Variants in PPP4R1 observed in about 807,000 individuals in gnomAD.
PPP4R1 encodes serine/threonine-protein phosphatase 4 regulatory subunit 1.
A neutral mutation model predicts 111.2 loss-of-function variants in PPP4R1; 42 were observed. The ratio of observed to expected loss-of-function variants is 0.38; its 90% CI spans 0.29 to 0.49. The LOEUF is 0.49. PPP4R1 is among the 20% of genes least tolerant of loss of function. The pLI is 0.97. For synonymous variants in PPP4R1, 409 were observed against 405.5 expected (o/e 1.01, Z -0.10); for missense variants, 1,012 against 1,161.6 (o/e 0.87, Z 1.87).
chr18:9,575,683 A>G (rs1198774236), intron 10 of PPP4R1, among the ~76,000 whole-genome samples: 1 of 152,202 alleles, frequency 6.6e-6, no homozygotes, highest in Non-Finnish European at 1.5e-5. Context: ...CATGGCCTTG[A>G]TAGGCACACT....
intron 14 of PPP4R1, among the ~76,000 whole-genome samples, chr18:9,558,347 T>C (rs2066620106): frequency 6.6e-6 from 1 of 152,142 alleles, no homozygotes. Flanking sequence ...CCCCGAAAGA[T>C]ACATCCCACG....
At chr18:9,585,494 G>T (rs930112822) in intron 6 of PPP4R1, among the ~76,000 whole-genome samples, 1 of 152,162 alleles carries the variant, frequency 6.6e-6, no homozygotes, top group Non-Finnish European at 1.5e-5. Context: ...AATACAGAAA[G>T]AAATGGGATA....
intron 14 of PPP4R1, among the ~76,000 whole-genome samples, chr18:9,559,023 G>A (rs1403527902): frequency 6.6e-6 from 1 of 152,302 alleles, no homozygotes; most frequent in Admixed American, 6.5e-5. Flanking sequence ...TAATACTGGA[G>A]TTCTACTACG....
intron 2 of PPP4R1, among the ~76,000 whole-genome samples, chr18:9,602,052 T>C (rs946964340): frequency 7.9e-5 from 12 of 152,090 alleles, no homozygotes; most frequent in African/African-American, 2.7e-4. Flanking sequence ...CCTATAGAAC[T>C]GAATGACTTT....
Position 9,614,104 on chromosome 18 carries a change from T to C in PPP4R1, c.52+122A>G. 1.2e-6 allele frequency: 1 copy of C among 868,716 alleles called. No individual in the cohort carries two copies. Among genetic ancestry groups the C allele is most frequent in the South Asian group, 5.1e-5 (1 of 19,420 alleles). The allele number at this position is 868,716 out of a possible 1,614,324, so 53.8% of individuals were successfully genotyped here. On this transcript the variant is annotated intron_variant, in intron 2 of 19. Coordinates refer to ENST00000400556, the MANE Select transcript of PPP4R1 (RefSeq NM_001042388.3). This position sits in a 1 kb window ranked among gnomAD's most constrained non-coding sequence, Gnocchi z 4.1. The stretch of plus-strand genomic sequence containing the variant: ...CCCCCGATCGCCACCCCAGCCCGCC[T>C]GGGGCCGCCCTCGCCCACCGTCCCC...
At chr18:9,612,966 A>C (rs1366945626) in intron 2 of PPP4R1, among the ~76,000 whole-genome samples, 1 of 152,234 alleles carries the variant, frequency 6.6e-6, no homozygotes, top group African/African-American at 2.4e-5. Flanking sequence ...TACTCAAAAC[A>C]ACCAGGAATC....
At chr18:9,602,995 A>T (rs1030875002) in intron 2 of PPP4R1, among the ~76,000 whole-genome samples, 16 of 152,206 alleles carry the variant, frequency 1.1e-4, no homozygotes, top group African/African-American at 3.6e-4. Context: ...AATGTCTGCA[A>T]ATGTCTGCAA....
At chr18:9,589,533 G>A (rs1021305738) in intron 4 of PPP4R1, among the ~76,000 whole-genome samples, 3 of 152,074 alleles carry the variant, frequency 2.0e-5, no homozygotes, top group African/African-American at 7.2e-5. Flanking sequence ...AGTACTAAAA[G>A]ATAATATTAA....
chr18:9,554,527 T>C (rs1050669907), intron 15 of PPP4R1, among the ~76,000 whole-genome samples: 1 of 151,910 alleles, frequency 6.6e-6, no homozygotes, highest in Non-Finnish European at 1.5e-5. Context: ...CGGTATTGAA[T>C]TGGAAGCAGT....
intron 2 of PPP4R1, among the ~76,000 whole-genome samples, chr18:9,602,197 C>T (rs990571588): frequency 6.6e-6 from 1 of 151,888 alleles, no homozygotes; most frequent in African/African-American, 2.4e-5. Context: ...TCCAATTTTT[C>T]GCTTTTTTAA....
chr18:9,563,232 C>T, intron 12 of PPP4R1, 146 bp downstream of exon 12: 1 of 1,241,924 alleles, frequency 8.1e-7, no homozygotes. Context: ...GTGATGAAAA[C>T]AATTACTTTA....
chr18:9,552,160 A>C lies in PPP4R1; in HGVS notation c.2291+1162T>G, dbSNP rs530281181. 1.3e-4 allele frequency among the ~76,000 whole-genome samples: 20 copies of C among 152,350 alleles called. 1 individual carries two copies. In the South Asian group the frequency reaches 4.1e-3, roughly 32 times the overall value. On this transcript the variant is annotated intron_variant, in intron 16 of 19. Transcript: ENST00000400556. ...TCATTTGAAAATGCAGGTGAGGTCT[A>C]TAATCCAGAATATATAAAGAACTCT...
chr18:9,583,315 TAGC>T, intron 8 of PPP4R1, 40 bp from the exon 9 acceptor site: 3 of 1,442,608 alleles, frequency 2.1e-6, no homozygotes, highest in Non-Finnish European at 2.8e-6. Flanking sequence ...TGGATAAAGA[TAGC>T]AGATTTCATC....
Position 9,588,807 on chromosome 18 carries a change from T to C in PPP4R1, c.342A>G (p.Ala114=). The C allele has an allele frequency of 1.2e-6, 2 of 1,614,120 alleles. No homozygotes were observed. The highest frequency in any genetic ancestry group is 1.7e-6 in the Non-Finnish European group (2 of 1,180,006). ...AAGGCCGGTTTTCTTGACAAAACAGTGCGATGTGAGGCACCTGTTCCATCA... is the reference window on the plus strand; with the variant it reads ...AAGGCCGGTTTTCTTGACAAAACAGCGCGATGTGAGGCACCTGTTCCATCA... ...AELMEQVPHI[A]LFCQENRPSI... is the part of the protein sequence containing the mutation. Residue 114 remains alanine (A), a synonymous_variant, in exon 5 of 20, where the codon GCA becomes GCG. Transcript: ENST00000400556.
At chr18:9,616,664 A>C (rs1365719170), upstream of PPP4R1, among the ~76,000 whole-genome samples, 2 of 124,040 alleles carry the variant, frequency 1.6e-5, no homozygotes, top group African/African-American at 6.1e-5. Flanking sequence ...GGATGCACTA[A>C]GACAAAACTG....
intron 2 of PPP4R1, among the ~76,000 whole-genome samples, chr18:9,611,054 G>A (rs987447581): frequency 2.6e-5 from 4 of 152,054 alleles, no homozygotes; most frequent in African/African-American, 7.2e-5. Context: ...GCAATGTCTG[G>A]CAATGCCCCT....
intron 16 of PPP4R1, 62 bp downstream of exon 16, chr18:9,553,260 T>C (rs2066517767): frequency 7.7e-7 from 1 of 1,294,830 alleles, no homozygotes; most frequent in Non-Finnish European, 1.1e-6. Flanking sequence ...ACTGAGAAAA[T>C]GTAAAAATGA....
intron 9 of PPP4R1, among the ~76,000 whole-genome samples, chr18:9,582,257 A>G (rs947058930): frequency 3.3e-5 from 5 of 152,138 alleles, no homozygotes; most frequent in African/African-American, 1.2e-4. Context: ...TTGGTTCTGT[A>G]AAAAGATCAA....
At chr18:9,566,850 C>T (rs530735927) in intron 11 of PPP4R1, among the ~76,000 whole-genome samples, 2 of 152,268 alleles carry the variant, frequency 1.3e-5, no homozygotes, top group South Asian at 4.1e-4. Context: ...ACTGTTGAGA[C>T]CTATGGCTTA....
Sources: gnomAD v4.1 joint callset for allele counts (sites outside exome capture counted in the v4.1 genomes callset) on GRCh38, gnomAD v4.1.1 for gene constraint, Gnocchi (gnomAD v3.1) non-coding constraint, MANE v1.5 for transcripts, NCBI Gene and HGNC (gene_info 2026-07-23, HGNC 2026-07-21) for gene names.